FTCDNL1: variants seen among roughly 807,000 people sequenced by gnomAD.
The protein encoded by FTCDNL1 is formiminotransferase N-terminal subdomain-containing protein.
FTCDNL1 carries 11 observed loss-of-function variants against 5.9 expected under a neutral mutation model. That is an observed-to-expected ratio of 1.87 (90% CI 1.18 to 3.10). FTCDNL1 has a LOEUF of 3.10. Ranked by LOEUF, FTCDNL1 falls within the 30% of genes most tolerant of loss-of-function variation. The pLI, the probability that FTCDNL1 is intolerant of heterozygous loss-of-function variation, is 0.00. For synonymous variants in FTCDNL1, 58 were observed against 24.8 expected (o/e 2.34, Z -3.99); for missense variants, 115 against 65.5 (o/e 1.76, Z -2.61).
chr2:199,823,332 T>C (rs2106529148), intron 3 of FTCDNL1, among the ~76,000 whole-genome samples: 1 of 151,874 alleles, frequency 6.6e-6, no homozygotes, highest in East Asian at 1.9e-4. Flanking sequence ...TACTTTGACT[T>C]CCCCCCAAGA....
the FTCDNL1 span, among the ~76,000 whole-genome samples, chr2:199,724,171 CA>C: frequency 1.1e-3 from 166 of 152,148 alleles, no homozygotes; most frequent in African/African-American, 3.7e-3. Context: ...TGCATTTGCA[CA>C]GAGGTGTTTA....
the FTCDNL1 span, among the ~76,000 whole-genome samples, chr2:199,726,602 GTTA>G: frequency 2.0e-5 from 3 of 152,186 alleles, no homozygotes; most frequent in African/African-American, 4.8e-5. Flanking sequence ...TATTGTTGTT[GTTA>G]TTGTTGTTGT....
chr2:199,845,976 G>C, intron 3 of FTCDNL1, 99 bp downstream of exon 3: 1 of 551,060 alleles, frequency 1.8e-6, no homozygotes, highest in Non-Finnish European at 3.2e-6. Flanking sequence ...ATAGAGGGGA[G>C]TATTCATATT....
At chr2:199,672,937 C>T in the FTCDNL1 span, among the ~76,000 whole-genome samples, 5,243 of 152,076 alleles carry the variant, frequency 0.034, 410 homozygotes, top group East Asian at 0.26. Flanking sequence ...GGTAATTAGA[C>T]TCAATCTTTT....
At chr2:199,716,416 G>T in the FTCDNL1 span, among the ~76,000 whole-genome samples, 12 of 152,018 alleles carry the variant, frequency 7.9e-5, no homozygotes, top group African/African-American at 2.4e-4. Flanking sequence ...TGGACTTTAG[G>T]TAATGTTTGG....
At chr2:199,769,519 T>C (rs1197882861) in intron 3 of FTCDNL1, among the ~76,000 whole-genome samples, 1 of 152,230 alleles carries the variant, frequency 6.6e-6, no homozygotes, top group Non-Finnish European at 1.5e-5. Flanking sequence ...ATTAAATCTC[T>C]TTCCTTGATA....
the FTCDNL1 span, among the ~76,000 whole-genome samples, chr2:199,699,092 C>T: frequency 1.8e-3 from 275 of 152,188 alleles, 2 homozygotes; most frequent in African/African-American, 6.3e-3. Context: ...CTGAACAAAC[C>T]AATAACAAGT....
downstream of FTCDNL1, among the ~76,000 whole-genome samples, chr2:199,758,291 G>C (rs867601239): frequency 3.9e-5 from 6 of 151,986 alleles, no homozygotes; most frequent in African/African-American, 9.7e-5. Context: ...TTTTAAAATT[G>C]CTATAAATAA....
At chr2:199,769,687 C>T (rs1698715125) in intron 3 of FTCDNL1, among the ~76,000 whole-genome samples, 1 of 152,142 alleles carries the variant, frequency 6.6e-6, no homozygotes, top group African/African-American at 2.4e-5. Flanking sequence ...GCTTCTCCTC[C>T]CTTCAGACAG....
the FTCDNL1 span, among the ~76,000 whole-genome samples, chr2:199,712,834 T>G: frequency 6.6e-6 from 1 of 152,196 alleles, no homozygotes; most frequent in Non-Finnish European, 1.5e-5. Flanking sequence ...TGTCTTCTTA[T>G]AAGGACACCA....
At chr2:199,795,162 A>G (rs1700111011) in intron 3 of FTCDNL1, among the ~76,000 whole-genome samples, 1 of 152,234 alleles carries the variant, frequency 6.6e-6, no homozygotes. Context: ...AAGGCACTCA[A>G]TAAGTGGTAG....
the FTCDNL1 span, among the ~76,000 whole-genome samples, chr2:199,667,536 C>A: frequency 6.6e-6 from 1 of 152,000 alleles, no homozygotes; most frequent in South Asian, 2.1e-4. Flanking sequence ...GTGGCATGCA[C>A]GTAGTGGGAG....
the FTCDNL1 span, among the ~76,000 whole-genome samples, chr2:199,734,502 AT>A: frequency 6.6e-6 from 1 of 152,216 alleles, no homozygotes; most frequent in African/African-American, 2.4e-5. Flanking sequence ...TAAATATCCC[AT>A]TTTTCAGAAA....
intron 4 of FTCDNL1, among the ~76,000 whole-genome samples, chr2:199,817,501 C>A (rs1386462286): frequency 2.0e-5 from 3 of 152,006 alleles, no homozygotes; most frequent in Non-Finnish European, 4.4e-5. Context: ...AGAATAAAAT[C>A]ATGGGCCAGG....
chr2:199,777,958 T>C (rs757813293), intron 3 of FTCDNL1, among the ~76,000 whole-genome samples: 41 of 152,142 alleles, frequency 2.7e-4, no homozygotes, highest in African/African-American at 9.4e-4. Flanking sequence ...CAAAAGAAAA[T>C]GTAGATTTCA....
At chr2:199,720,982 C>G in the FTCDNL1 span, among the ~76,000 whole-genome samples, 1 of 152,130 alleles carries the variant, frequency 6.6e-6, no homozygotes, top group Non-Finnish European at 1.5e-5. Context: ...TGATTCTATG[C>G]CTAGGAAAGT....
intron 3 of FTCDNL1, among the ~76,000 whole-genome samples, chr2:199,798,765 G>A (rs999747541): frequency 8.5e-5 from 13 of 152,138 alleles, no homozygotes; most frequent in African/African-American, 2.9e-4. Context: ...ACAATCTTAT[G>A]GATTGCTTAC....
intron 3 of FTCDNL1, among the ~76,000 whole-genome samples, chr2:199,803,300 G>A (rs1258820825): frequency 2.0e-5 from 3 of 152,046 alleles, no homozygotes; most frequent in Non-Finnish European, 2.9e-5. Context: ...ATCCTGAGTG[G>A]ACCATCCTAT....
intron 3 of FTCDNL1, among the ~76,000 whole-genome samples, chr2:199,785,328 A>G (rs1699585058): frequency 7.9e-6 from 1 of 127,278 alleles, no homozygotes; most frequent in African/African-American, 3.1e-5. Context: ...GCTCACTGTG[A>G]GCTCCACCTC....
Sources: gnomAD v4.1 joint callset for allele counts (sites outside exome capture counted in the v4.1 genomes callset) on GRCh38, gnomAD v4.1.1 for gene constraint, MANE v1.5 for transcripts, NCBI Gene and HGNC (gene_info 2026-07-23, HGNC 2026-07-21) for gene names.